Variants in F13A1 observed in about 807,000 individuals in gnomAD.
F13A1 encodes FSF, A subunit.
F13A1 carries 47 observed loss-of-function variants against 80.1 expected under a neutral mutation model. The ratio of observed to expected loss-of-function variants is 0.59; its 90% confidence interval spans 0.46 to 0.75. The LOEUF (loss-of-function observed/expected upper bound fraction) is 0.75. F13A1 is among the 30% of genes least tolerant of loss of function. The probability of loss-of-function intolerance (pLI) is 0.00; values close to 1 mark genes in which losing one functional copy is unlikely to be tolerated. For missense variants in F13A1, 817 were observed against 930.4 expected, an observed-to-expected ratio of 0.88 and a Z score of 1.59; for synonymous variants, 349 against 344.9, an observed-to-expected ratio of 1.01 and a Z score of -0.13.
intron 6 of F13A1, among the ~76,000 whole-genome samples, chr6:6,228,106 T>A (rs947538846): frequency 6.6e-6 from 1 of 152,196 alleles, no homozygotes; most frequent in African/African-American, 2.4e-5. Flanking sequence ...GTTTGACCAG[T>A]GGCAGAATAA....
chr6:6,204,698 CTTAGAAAAAAACTTG>C (rs1373360708), intron 8 of F13A1, among the ~76,000 whole-genome samples: 1 of 151,912 alleles, frequency 6.6e-6, no homozygotes, highest in African/African-American at 2.4e-5. Context: ...AAAGCCTGGA[CTTAGAAAAAAACTTG>C]TTAGGAAATA....
At chr6:6,145,799 G>A in intron 14 of F13A1, 27 bp from the exon 15 acceptor site, 1 of 1,614,012 alleles carries the variant, frequency 6.2e-7, no homozygotes, top group South Asian at 1.1e-5. Context: ...GAGAGGAGAG[G>A]TTGGAAGATC....
In F13A1 at chr6:6,162,507, C is replaced by T. The variant is rs1237663967; in HGVS notation, c.1908+4951G>A. Among the ~76,000 whole-genome samples the T allele has an allele frequency of 3.3e-5, 5 of 152,190 alleles. No homozygotes were observed. The highest frequency in any genetic ancestry group is 5.9e-5 in the Non-Finnish European group (4 of 68,032). On this transcript the variant is annotated intron_variant, in intron 13 of 14. Coordinates refer to ENST00000264870, the MANE Select transcript of F13A1 (RefSeq NM_000129.4). The surrounding 1 kb of genome is among the most constrained non-coding windows in gnomAD (Gnocchi z 4.2). Reference sequence around the variant, plus strand: ...CAAAACTCTCTGCAAAGTCAATGACCACCTCTGCTTTTTGTGATAGTTCCA... The same window carrying T: ...CAAAACTCTCTGCAAAGTCAATGACTACCTCTGCTTTTTGTGATAGTTCCA...
chr6:6,267,877 G>C (rs923570303), intron 3 of F13A1, among the ~76,000 whole-genome samples: 7 of 152,160 alleles, frequency 4.6e-5, no homozygotes, highest in Admixed American at 2.0e-4. Flanking sequence ...CTTCACCTTT[G>C]TGCTAACTTC....
At chr6:6,316,721 G>A (rs1013050883) in intron 2 of F13A1, among the ~76,000 whole-genome samples, 1 of 152,134 alleles carries the variant, frequency 6.6e-6, no homozygotes, top group Non-Finnish European at 1.5e-5. Flanking sequence ...CACATTCCCA[G>A]TCAATGAACA....
chr6:6,166,212 A>T (rs1163389405), intron 13 of F13A1, among the ~76,000 whole-genome samples: 1 of 152,232 alleles, frequency 6.6e-6, no homozygotes, highest in Non-Finnish European at 1.5e-5. Context: ...AAGTGATGCC[A>T]GTACTCTTTA....
chr6:6,263,159 CCTT>C (rs1757800136), intron 4 of F13A1, among the ~76,000 whole-genome samples: 2 of 152,214 alleles, frequency 1.3e-5, no homozygotes, highest in African/African-American at 2.4e-5. Context: ...TCTCCTTTGA[CCTT>C]CGCTTCAACA....
intron 14 of F13A1, among the ~76,000 whole-genome samples, chr6:6,146,848 T>C (rs1760289604): frequency 6.6e-6 from 1 of 152,216 alleles, no homozygotes; most frequent in Non-Finnish European, 1.5e-5. Context: ...TTTTCTAAGA[T>C]ATTTGCACAC....
chr6:6,313,986 CT>C (rs10690734), intron 2 of F13A1, among the ~76,000 whole-genome samples: 12 of 142,106 alleles, frequency 8.4e-5, no homozygotes, highest in South Asian at 2.2e-4. Flanking sequence ...TCTCCTTACT[CT>C]TTTTTTTTTT....
intron 3 of F13A1, among the ~76,000 whole-genome samples, chr6:6,278,771 A>T (rs1758023391): frequency 6.6e-6 from 1 of 152,186 alleles, no homozygotes. Flanking sequence ...GAAACCATGG[A>T]AGATGATGTC....
intron 4 of F13A1, among the ~76,000 whole-genome samples, chr6:6,259,752 G>A (rs1757753407): frequency 1.3e-5 from 2 of 152,176 alleles, no homozygotes; most frequent in South Asian, 2.1e-4. Flanking sequence ...CAGAGGCTAA[G>A]GATATGAGGT....
In F13A1 at chr6:6,195,845, C is replaced by T; in HGVS notation, c.1257G>A (p.Lys419=). Residue 419 remains lysine (K), a synonymous_variant, in exon 10 of 15, where the codon AAG becomes AAA. Coordinates refer to ENST00000264870, the MANE Select transcript of F13A1 (RefSeq NM_000129.4). The part of the protein sequence containing the change: ...RCGPASVQAI[K]HGHVCFQFDA... ...CAAATTGGAAGCAGACATGGCCGTG[C>T]TTGATGGCTTGAACCGAGGCGGGGC... The T allele has an allele frequency of 1.9e-6, 3 of 1,614,182 alleles. No individual in the cohort carries two copies. Among genetic ancestry groups the T allele is most frequent in the South Asian group, 2.2e-5 (2 of 91,086 alleles).
intron 13 of F13A1, among the ~76,000 whole-genome samples, chr6:6,156,864 C>G (rs562354546): frequency 6.6e-6 from 1 of 152,180 alleles, no homozygotes; most frequent in Non-Finnish European, 1.5e-5. Context: ...TCATATGGCT[C>G]GTGGCTACTG....
At chr6:6,240,206 A>G (rs894980132) in intron 6 of F13A1, among the ~76,000 whole-genome samples, 1 of 152,176 alleles carries the variant, frequency 6.6e-6, no homozygotes, top group Non-Finnish European at 1.5e-5. Flanking sequence ...GATGCCTTGT[A>G]ATAAATGTCT....
At chr6:6,212,892 C>A (rs1411902050) in intron 8 of F13A1, among the ~76,000 whole-genome samples, 1 of 152,094 alleles carries the variant, frequency 6.6e-6, no homozygotes, top group Admixed American at 6.5e-5. Flanking sequence ...GCAGAAGCCT[C>A]AGGAGCCGAT....
intron 10 of F13A1, among the ~76,000 whole-genome samples, chr6:6,194,684 T>C (rs1366071147): frequency 2.6e-5 from 4 of 152,230 alleles, no homozygotes; most frequent in African/African-American, 7.2e-5. Flanking sequence ...TCATGTTCAG[T>C]GTGTTTGTGC....
chr6:6,238,807 T>C (rs1340760968), intron 6 of F13A1, among the ~76,000 whole-genome samples: 1 of 151,526 alleles, frequency 6.6e-6, no homozygotes, highest in Non-Finnish European at 1.5e-5. Context: ...TACAATGAAA[T>C]GCCACTATAT....
chr6:6,227,879 C>A (rs918227526), intron 6 of F13A1, among the ~76,000 whole-genome samples: 1 of 152,142 alleles, frequency 6.6e-6, no homozygotes, highest in African/African-American at 2.4e-5. Context: ...TAAATCACAA[C>A]CCTCATTTAT....
Position 6,160,275 on chromosome 6 carries a change from T to TAA in F13A1, c.1908+7181_1908+7182dup, listed in dbSNP as rs375144806. Among the ~76,000 whole-genome samples, 426 of 140,700 alleles carry TAA rather than the reference T, an allele frequency of 3.0e-3. 2 individuals are homozygous for TAA. The highest frequency in any genetic ancestry group is 0.01 in the African/African-American group (388 of 38,146). The allele number at this position is 140,700 out of a possible 152,430, so 92.3% of individuals were successfully genotyped here. Reference sequence around the variant, plus strand: ...CTGGGGGACAGAGTGAGACTCCATCTAAAAAAAAAAAAGGAAAGAAAGAAA... The same window carrying TAA: ...CTGGGGGACAGAGTGAGACTCCATCTAAAAAAAAAAAAAAGGAAAGAAAGAAA... On this transcript the variant is annotated intron_variant, in intron 13 of 14. Transcript: ENST00000264870.
Sources: allele counts gnomAD v4.1 joint callset (sites outside exome capture counted in the v4.1 genomes callset), GRCh38; gene constraint gnomAD v4.1.1; non-coding constraint Gnocchi (gnomAD v3.1); transcripts MANE v1.5; gene names NCBI Gene and HGNC (gene_info 2026-07-23, HGNC 2026-07-21).